Variants in CD36 observed in about 807,000 individuals in gnomAD.
CD36 encodes platelet glycoprotein 4.
In CD36, 119 loss-of-function variants were observed where a neutral mutation model predicts 55.2. That is an observed-to-expected ratio of 2.15 (90% CI 1.86 to 2.51). The LOEUF (loss-of-function observed/expected upper bound fraction) is 2.51, where lower values mean the gene tolerates loss of function less well. Ranked by LOEUF, CD36 falls within the 30% of genes most tolerant of loss-of-function variation. CD36 has a pLI of 0.00. For synonymous variants in CD36, 186 were observed against 193.6 expected, an observed-to-expected ratio of 0.96 and a Z score of 0.33; for missense variants, 819 against 555.5, an observed-to-expected ratio of 1.47 and a Z score of -4.77.
intron 1 of CD36, among the ~76,000 whole-genome samples, chr7:80,642,090 G>C (rs555912516): frequency 1.3e-5 from 2 of 152,062 alleles, no homozygotes; most frequent in Non-Finnish European, 2.9e-5. Flanking sequence ...ATCAAGAAAG[G>C]CATGTAATTA....
At chr7:80,608,752 A>C (rs1792705376) in intron 1 of CD36, among the ~76,000 whole-genome samples, 1 of 152,142 alleles carries the variant, frequency 6.6e-6, no homozygotes, top group Non-Finnish European at 1.5e-5. Flanking sequence ...CCTCCAGGTT[A>C]ATAGTACCTC....
intron 1 of CD36, among the ~76,000 whole-genome samples, chr7:80,616,467 A>G (rs1793164736): frequency 6.6e-6 from 1 of 151,546 alleles, no homozygotes. Flanking sequence ...GCACACACAC[A>G]CACACACGCA....
rs1796489335 is a variant in CD36 at position 80,661,135 on chromosome 7, T to C, written c.354T>C (p.Asn118=). 2 of 1,613,916 alleles carry C rather than the reference T, an allele frequency of 1.2e-6. No homozygotes were observed. The change falls in exon 5 of 15, where the codon AAT becomes AAC. Residue 118 remains asparagine, a synonymous_variant. Transcript: ENST00000447544. ...ACACAGTCTCTTTCCTGCAGCCCAA[T>C]GGTGCCATCTTCGAACCTTCACTAT... is the stretch of plus-strand genomic sequence containing the variant. The part of the protein sequence containing the change: ...EDNTVSFLQP[N]GAIFEPSLSV...
chr7:80,668,474 CCTT>C (rs1479855487), intron 8 of CD36, among the ~76,000 whole-genome samples: 1 of 152,126 alleles, frequency 6.6e-6, no homozygotes, highest in African/African-American at 2.4e-5. Context: ...ATCCTCTTTA[CCTT>C]CTTCAGTAAG....
At chr7:80,628,666 G>T (rs1170504065) in intron 1 of CD36, among the ~76,000 whole-genome samples, 1 of 152,024 alleles carries the variant, frequency 6.6e-6, no homozygotes, top group African/African-American at 2.4e-5. Context: ...ATCAGCTTGG[G>T]TGCTTTCAAC....
At chr7:80,623,199 C>T (rs1292096619) in intron 1 of CD36, among the ~76,000 whole-genome samples, 1 of 152,020 alleles carries the variant, frequency 6.6e-6, no homozygotes, top group African/African-American at 2.4e-5. Context: ...TAGGGACCAG[C>T]TCTAGAATGA....
chr7:80,653,418 G>A, intron 3 of CD36, among the ~76,000 whole-genome samples: 1 of 152,202 alleles, frequency 6.6e-6, no homozygotes, highest in Middle Eastern at 3.4e-3. Flanking sequence ...GGATATTAAG[G>A]TCCCAACAAG....
chr7:80,628,313 G>A (rs1239504138), intron 1 of CD36, among the ~76,000 whole-genome samples: 1 of 151,958 alleles, frequency 6.6e-6, no homozygotes, highest in Non-Finnish European at 1.5e-5. Context: ...GTTATAGGGA[G>A]TTTCATTGTG....
chr7:80,608,355 G>A (rs1257195239), intron 1 of CD36, among the ~76,000 whole-genome samples: 6 of 152,160 alleles, frequency 3.9e-5, no homozygotes, highest in African/African-American at 9.7e-5. Context: ...GACTGCATAT[G>A]TTTGAAACTT....
chr7:80,638,836 C>G (rs976773684), intron 1 of CD36, 90 bp downstream of exon 1: 1 of 151,312 alleles, frequency 6.6e-6, no homozygotes. Context: ...TGTATAAATA[C>G]TCCTAAGAAG....
chr7:80,604,277 A>G (rs1792408561), intron 1 of CD36, among the ~76,000 whole-genome samples: 1 of 151,474 alleles, frequency 6.6e-6, no homozygotes, highest in Admixed American at 6.6e-5. Flanking sequence ...TGAATATAAA[A>G]AGAATATAGT....
intron 2 of CD36, 106 bp from the exon 3 acceptor site, chr7:80,646,546 A>G: frequency 1.5e-6 from 1 of 645,200 alleles, no homozygotes; most frequent in East Asian, 2.9e-5. Context: ...GCATTTGTTT[A>G]TTTAGAACGG....
At chr7:80,659,846 G>T (rs992491644) in intron 4 of CD36, among the ~76,000 whole-genome samples, 2 of 152,026 alleles carry the variant, frequency 1.3e-5, no homozygotes, top group East Asian at 1.9e-4. Context: ...TTGTGTGTCT[G>T]CAGTACTTCA....
chr7:80,618,880 A>G (rs1290982008), intron 1 of CD36, among the ~76,000 whole-genome samples: 1 of 152,220 alleles, frequency 6.6e-6, no homozygotes, highest in Admixed American at 6.5e-5. Flanking sequence ...TCTAGCTAAG[A>G]TCATTAGTGA....
At chr7:80,653,556 A>G (rs939193042) in intron 3 of CD36, among the ~76,000 whole-genome samples, 3 of 152,196 alleles carry the variant, frequency 2.0e-5, no homozygotes, top group African/African-American at 7.2e-5. Context: ...GGTAGTCTGC[A>G]TGCTTAGAGT....
At chr7:80,638,448 C>T (rs1794571985), upstream of CD36, 1 of 149,724 alleles carries the variant, frequency 6.7e-6, no homozygotes, top group African/African-American at 2.4e-5. Flanking sequence ...AATGGGTCTT[C>T]ACCAGAACAT....
At position 80,673,380 on chromosome 7, in the gene CD36, T is replaced by A. The variant is rs374220841; in HGVS notation, c.1225T>A (p.Tyr409Asn). 6.4e-7 allele frequency: 1 copy of A among 1,564,762 alleles called. No homozygotes were observed. The highest frequency in any genetic ancestry group is 8.8e-7 in the Non-Finnish European group (1 of 1,136,016). ...IQVLKNLKRN[Y>N]IVPILWLNET... ...AGTATTAAAGAATCTGAAGAGGAAC[T>A]ATATTGTGCCTATTCTTTGGCTTAA... The change falls in exon 13 of 15, where the codon TAT (tyrosine) becomes AAT (asparagine). Residue 409 changes from tyrosine to asparagine, a missense_variant. By Grantham distance (143) the Tyr-to-Asn change is moderately radical (BLOSUM62 -2). Coordinates refer to ENST00000447544, the MANE Select transcript of CD36 (RefSeq NM_001001548.3).
Position 80,664,471 on chromosome 7 carries a change from C to CA in CD36, c.676dup (p.Ile226AsnfsTer6). Reference sequence around the variant, plus strand: ...GAAAAGATAACATAAGTAAAGTTGCCATAATCGACACATATAAAGGTAAAA... The same window carrying CA: ...GAAAAGATAACATAAGTAAAGTTGCCAATAATCGACACATATAAAGGTAAAA... On this transcript the variant is annotated frameshift_variant, in exon 7 of 15. Transcript: ENST00000447544. LOFTEE classifies it high-confidence loss of function. 6.4e-7 allele frequency: 1 copy of CA among 1,571,818 alleles called. No homozygotes were observed. Among genetic ancestry groups the CA allele is most frequent in the African/African-American group, 1.4e-5 (1 of 74,044 alleles).
chr7:80,602,736 T>G (rs980732745), intron 1 of CD36, among the ~76,000 whole-genome samples: 2 of 152,150 alleles, frequency 1.3e-5, no homozygotes, highest in African/African-American at 4.8e-5. Flanking sequence ...CCTTCAGATT[T>G]CTTATTTATG....
Sources: allele counts gnomAD v4.1 joint callset (sites outside exome capture counted in the v4.1 genomes callset), GRCh38; gene constraint gnomAD v4.1.1; transcripts MANE v1.5; gene names NCBI Gene and HGNC (gene_info 2026-07-23, HGNC 2026-07-21).